DOCK8: variants seen among roughly 807,000 people sequenced by gnomAD.
DOCK8 encodes dedicator of cytokinesis 8, also known as dedicator of cytokinesis protein 8.
A neutral mutation model predicts 245.6 loss-of-function variants in DOCK8; 141 were observed. The ratio of observed to expected loss-of-function variants is 0.57; its 90% CI spans 0.50 to 0.66. The LOEUF (loss-of-function observed/expected upper bound fraction) is 0.66. DOCK8 is among the 30% of genes least tolerant of loss of function. DOCK8 has a pLI of 0.00. For missense variants in DOCK8, 2,965 were observed against 2,603.4 expected (o/e 1.14, Z -3.02); for synonymous variants, 1,168 against 970.2 (o/e 1.20, Z -3.79).
chr9:214,787 C>A, upstream of DOCK8: 1 of 1,568,008 alleles, frequency 6.4e-7, no homozygotes, highest in Non-Finnish European at 8.6e-7. Context: ...AGCCGGCCGT[C>A]GCTGCTCCGA....
chr9:323,372 T>C (rs952226746), intron 7 of DOCK8, among the ~76,000 whole-genome samples: 20 of 151,704 alleles, frequency 1.3e-4, no homozygotes, highest in African/African-American at 4.1e-4. Context: ...TACAGGCACT[T>C]GCCACCACGC....
At chr9:403,181 A>G (rs986041389) in intron 26 of DOCK8, among the ~76,000 whole-genome samples, 4 of 152,160 alleles carry the variant, frequency 2.6e-5, no homozygotes, top group Non-Finnish European at 5.9e-5. Flanking sequence ...GAGCCACCAC[A>G]CCCAGCCTGA....
At chr9:318,361 G>C (rs1393677859) in intron 7 of DOCK8, among the ~76,000 whole-genome samples, 1 of 152,198 alleles carries the variant, frequency 6.6e-6, no homozygotes, top group Non-Finnish European at 1.5e-5. Context: ...GAAGGCATCT[G>C]GATTCTGGAT....
At chr9:269,278 C>G (rs1451090092) in intron 1 of DOCK8, among the ~76,000 whole-genome samples, 2 of 152,164 alleles carry the variant, frequency 1.3e-5, no homozygotes, top group African/African-American at 2.4e-5. Flanking sequence ...TTTTGCAATT[C>G]TGGGCATTTC....
intron 2 of DOCK8, among the ~76,000 whole-genome samples, chr9:272,454 C>G (rs1224544988): frequency 6.6e-6 from 1 of 152,152 alleles, no homozygotes; most frequent in Admixed American, 6.5e-5. Flanking sequence ...GTGATCTCAG[C>G]TCACTGCAAC....
intron 16 of DOCK8, 101 bp downstream of exon 16, chr9:370,401 T>G: frequency 9.6e-7 from 1 of 1,040,166 alleles, no homozygotes; most frequent in Non-Finnish European, 1.5e-6. Context: ...TTTTTATAAT[T>G]CAGGGACTGA....
At chr9:369,920 G>A (rs777238401) in intron 15 of DOCK8, 145 of 359,808 alleles carry the variant, frequency 4.0e-4, no homozygotes, top group South Asian at 9.3e-4. Flanking sequence ...TCTTGCCTCC[G>A]CCCCCTGAGT....
Position 415,698 on chromosome 9 carries a change from A to ACGCACACACG in DOCK8, c.3700+748_3700+749insGCACACACGC, listed in dbSNP as rs1393646768. 5.3e-5 allele frequency among the ~76,000 whole-genome samples: 8 copies of ACGCACACACG among 152,184 alleles called. 1 individual carries two copies. In the East Asian group the frequency reaches 9.7e-4, roughly 18 times the overall value. ...TGCACGTGTGTGCGCGCGTGCACAC[A>ACGCACACACG]CACACACACACAATTCCTATCCCAT... On this transcript the variant is annotated intron_variant, in intron 29 of 47. Transcript: ENST00000432829.
At chr9:455,885 C>G (rs767521984) in intron 46 of DOCK8, among the ~76,000 whole-genome samples, 2 of 152,030 alleles carry the variant, frequency 1.3e-5, no homozygotes, top group East Asian at 3.8e-4. Flanking sequence ...ACTGCTGCAC[C>G]TTGAACCAAC....
At chr9:390,140 A>G (rs7034831) in intron 23 of DOCK8, among the ~76,000 whole-genome samples, 44,934 of 152,038 alleles carry the variant, frequency 0.3, 6,983 homozygotes, top group African/African-American at 0.38. Context: ...AGCAGGACCC[A>G]AGAGGAAAGT....
intron 26 of DOCK8, among the ~76,000 whole-genome samples, chr9:400,034 C>T (rs1373465418): frequency 5.4e-5 from 5 of 91,968 alleles, no homozygotes; most frequent in African/African-American, 2.3e-4. Context: ...TCCACCATCA[C>T]CACCACCACC....
chr9:254,871 T>A (rs1242595108), intron 1 of DOCK8, among the ~76,000 whole-genome samples: 4 of 152,190 alleles, frequency 2.6e-5, no homozygotes, highest in African/African-American at 9.7e-5. Flanking sequence ...CTTGGCGTTA[T>A]TATAATGCAG....
chr9:259,105 G>C lies in DOCK8; in HGVS notation c.54-12522G>C, dbSNP rs72701228. On this transcript the variant is annotated intron_variant, in intron 1 of 47. Transcript: ENST00000432829. Reference sequence around the variant, plus strand: ...GAGGATCACCTGCATCCAGGAATTTGAGACCAGCTTGGGCAACATAGCATG... The same window carrying C: ...GAGGATCACCTGCATCCAGGAATTTCAGACCAGCTTGGGCAACATAGCATG... Among the ~76,000 whole-genome samples the C allele has an allele frequency of 3.9e-3, 594 of 152,192 alleles. 8 individuals are homozygous for C. Among genetic ancestry groups the C allele is most frequent in the African/African-American group, 0.014 (561 of 41,520 alleles).
At chr9:290,901 A>C (rs918240902) in intron 4 of DOCK8, among the ~76,000 whole-genome samples, 12 of 152,238 alleles carry the variant, frequency 7.9e-5, no homozygotes, top group Non-Finnish European at 1.5e-5. Flanking sequence ...TTTCTGGAGT[A>C]ATGTCAATAT....
At chr9:219,714 T>G (rs1449865336) in intron 1 of DOCK8, among the ~76,000 whole-genome samples, 1 of 151,982 alleles carries the variant, frequency 6.6e-6, no homozygotes, top group East Asian at 1.9e-4. Context: ...CTGGGCAACA[T>G]AGCAAAACCC....
At chr9:399,096 C>G (rs774772340) in intron 25 of DOCK8, 50 bp from the exon 26 acceptor site, 3 of 1,565,290 alleles carry the variant, frequency 1.9e-6, no homozygotes, top group African/African-American at 1.4e-5. Context: ...CCTGGAAGTT[C>G]AAATCCAGAG....
intron 6 of DOCK8, chr9:312,716 C>A (rs1331916345): frequency 2.9e-6 from 1 of 340,800 alleles, no homozygotes; most frequent in Admixed American, 4.3e-5. Flanking sequence ...AGCTGACTGA[C>A]AACAATAGGA....
intron 29 of DOCK8, among the ~76,000 whole-genome samples, chr9:416,004 A>G (rs2131609575): frequency 6.6e-6 from 1 of 152,368 alleles, no homozygotes; most frequent in South Asian, 2.1e-4. Context: ...CATACAAATC[A>G]TAAAATGAAA....
chr9:365,558 AT>A (rs1455382192), intron 14 of DOCK8: 2 of 447,548 alleles, frequency 4.5e-6, no homozygotes, highest in South Asian at 3.2e-5. Flanking sequence ...CATAAAACTT[AT>A]CTGTTCAGAG....
Sources: gnomAD v4.1 joint callset for allele counts (sites outside exome capture counted in the v4.1 genomes callset) on GRCh38, gnomAD v4.1.1 for gene constraint, MANE v1.5 for transcripts, NCBI Gene and HGNC (gene_info 2026-07-23, HGNC 2026-07-21) for gene names.